The following BAZ1B variants were observed in gnomAD, a reference collection of about 807,000 sequenced individuals.
The protein encoded by BAZ1B is tyrosine-protein kinase BAZ1B.
In BAZ1B, 22 loss-of-function variants were observed where a neutral mutation model predicts 153.8. The observed-to-expected ratio is 0.14, with a 90% CI of 0.10 to 0.20. The LOEUF is 0.20. Among genes scored for constraint, BAZ1B ranks in the 10% least tolerant of loss-of-function variants. The pLI is 1.00. For synonymous variants in BAZ1B, 676 were observed against 633.4 expected (o/e 1.07, Z -1.01); for missense variants, 1,325 against 1,799.3 (o/e 0.74, Z 4.77).
At chr7:73,441,839 CCCTGGAGA>C in intron 19 of BAZ1B, 146 bp from the exon 20 acceptor site, 1 of 302,526 alleles carries the variant, frequency 3.3e-6, no homozygotes, top group Non-Finnish European at 6.1e-6. Flanking sequence ...GCAATCCCTC[CCCTGGAGA>C]CCAGAGGGGC....
intron 13 of BAZ1B, among the ~76,000 whole-genome samples, chr7:73,452,415 A>G (rs1024915775): frequency 2.0e-5 from 3 of 152,170 alleles, no homozygotes; most frequent in Non-Finnish European, 4.4e-5. Context: ...CTATGACTTC[A>G]CAATGGTGCA....
At chr7:73,499,188 A>G (rs1338798234) in intron 3 of BAZ1B, among the ~76,000 whole-genome samples, 1 of 152,066 alleles carries the variant, frequency 6.6e-6, no homozygotes, top group Admixed American at 6.5e-5. Context: ...CCATCGTGCC[A>G]GGCTAATTTT....
chr7:73,498,484 A>G lies in BAZ1B; in HGVS notation c.571+13T>C, dbSNP rs893903456. On this transcript the variant is annotated intron_variant, in intron 4 of 19. Transcript: ENST00000339594. The stretch of plus-strand genomic sequence containing the variant: ...TCTCATAAAACACTAAGGAAAGCTA[A>G]TATCAAACATACTAATACTCTCTCT... 14 of 1,607,884 alleles carry G rather than the reference A, an allele frequency of 8.7e-6. No homozygotes were observed. The highest frequency in any genetic ancestry group is 3.3e-4 in the Middle Eastern group (2 of 6,034).
At chr7:73,500,573 C>A (rs1159286188) in intron 3 of BAZ1B, among the ~76,000 whole-genome samples, 1 of 151,900 alleles carries the variant, frequency 6.6e-6, no homozygotes, top group African/African-American at 2.4e-5. Context: ...AAAAACTCTA[C>A]AAAGCTTTTC....
Position 73,510,824 on chromosome 7 carries a change from T to C in BAZ1B, c.136A>G (p.Ser46Gly). The C allele has an allele frequency of 1.2e-6, 2 of 1,614,190 alleles. No homozygotes were observed. Among genetic ancestry groups the C allele is most frequent in the Non-Finnish European group, 1.7e-6 (2 of 1,180,040 alleles). The part of the protein sequence containing the change: ...EEYEARLERY[S>G]ERIWTCKSTG... ...CTCTTGCACGTCCAAATGCGCTCACTGTACCTTTCCAAGCGGGCTTCATAC... is the reference window on the plus strand; with the variant it reads ...CTCTTGCACGTCCAAATGCGCTCACCGTACCTTTCCAAGCGGGCTTCATAC... The change falls in exon 2 of 20, where the codon AGT becomes GGT. Residue 46 changes from serine (S) to glycine (G), a missense_variant. Ser to Gly is a moderately conservative substitution (Grantham distance 56). Transcript: ENST00000339594.
chr7:73,472,955 T>TTA (rs1788867319), intron 7 of BAZ1B, among the ~76,000 whole-genome samples: 1 of 149,868 alleles, frequency 6.7e-6, no homozygotes. Context: ...TTTTTTTTTT[T>TTA]AAAAAAGACA....
At chr7:73,452,380 C>G (rs1788051410) in intron 13 of BAZ1B, among the ~76,000 whole-genome samples, 1 of 152,166 alleles carries the variant, frequency 6.6e-6, no homozygotes, top group African/African-American at 2.4e-5. Context: ...TATTCAGAAT[C>G]ACCCCATCTT....
intron 9 of BAZ1B, 29 bp downstream of exon 9, chr7:73,469,488 A>G (rs371287427): frequency 6.3e-4 from 1,012 of 1,611,738 alleles, no homozygotes; most frequent in Non-Finnish European, 4.8e-4. Flanking sequence ...GCAGGGTGAA[A>G]TAACTCTTAG....
At chr7:73,508,589 T>TGTCACCAA (rs1331800026) in intron 2 of BAZ1B, 118 bp from the exon 3 acceptor site, 1 of 1,227,450 alleles carries the variant, frequency 8.1e-7, no homozygotes, top group Non-Finnish European at 1.1e-6. Flanking sequence ...TTTATCGCTC[T>TGTCACCAA]GTCACCAAGG....
At position 73,522,001 on chromosome 7, in the gene BAZ1B, GCC is replaced by G; in HGVS notation, c.-70_-69del. ...CCGCGGCGCAGCACTAGGCCCCGCG[GCC>G]CGGAGCGAGCGCCAGGCGCCCGGGG... On this transcript the variant is annotated 5_prime_UTR_variant, in exon 1 of 20. Transcript: ENST00000339594. The G allele has an allele frequency of 8.7e-7, 1 of 1,151,536 alleles. No homozygotes were observed. The highest frequency in any genetic ancestry group is 1.1e-6 in the Non-Finnish European group (1 of 915,354). The allele number at this position is 1,151,536 out of a possible 1,614,324, so 71.3% of individuals were successfully genotyped here.
chr7:73,478,685 A>G (rs1789086765), intron 6 of BAZ1B, 116 bp from the exon 7 acceptor site: 1 of 834,362 alleles, frequency 1.2e-6, no homozygotes, highest in African/African-American at 1.7e-5. Context: ...ACATATTCAT[A>G]TCTCTTCATA....
At chr7:73,503,524 C>A (rs140412036) in intron 3 of BAZ1B, among the ~76,000 whole-genome samples, 20 of 151,830 alleles carry the variant, frequency 1.3e-4, no homozygotes, top group African/African-American at 4.8e-4. Flanking sequence ...CAGAAATGCA[C>A]CACCATGCAC....
At chr7:73,469,762 T>A in intron 8 of BAZ1B, 112 bp from the exon 9 acceptor site, 1 of 1,261,832 alleles carries the variant, frequency 7.9e-7, no homozygotes, top group Non-Finnish European at 1.1e-6. Context: ...AACCACAGTT[T>A]ACAGAATTCT....
At chr7:73,511,795 C>T (rs929186548) in intron 1 of BAZ1B, among the ~76,000 whole-genome samples, 17 of 147,460 alleles carry the variant, frequency 1.2e-4, no homozygotes, top group Non-Finnish European at 2.1e-4. Context: ...CCGAGGCAGG[C>T]AGATCACCTG....
In BAZ1B at chr7:73,449,546, C is replaced by T; in HGVS notation, c.3724G>A (p.Gly1242Ser). ...TTTAAAAGAAAAGATTCTCACCTGCCACGGGAGTTGCGCCTGGCAGTAGCG... is the reference window on the plus strand; with the variant it reads ...TTTAAAAGAAAAGATTCTCACCTGCTACGGGAGTTGCGCCTGGCAGTAGCG... ...QPATARRNSRGRNYTEESASE... is the reference protein window; with the variant it reads ...QPATARRNSRSRNYTEESASE... The change falls in exon 15 of 20, where the codon GGC (glycine) becomes AGC (serine). Residue 1242 changes from glycine (G) to serine (S), a missense_variant. Gly to Ser is a moderately conservative substitution (Grantham distance 56, BLOSUM62 0). Around this residue, in one of 9 missense-constraint regions of BAZ1B, gnomAD observed 271 missense variants for 337.2 expected, o/e 0.80. Transcript: ENST00000339594. 6.2e-7 allele frequency: 1 copy of T among 1,609,186 alleles called. No individual in the cohort carries two copies. Among genetic ancestry groups the T allele is most frequent in the Non-Finnish European group, 8.5e-7 (1 of 1,178,348 alleles).
intron 4 of BAZ1B, among the ~76,000 whole-genome samples, chr7:73,496,005 G>A (rs1057241880): frequency 1.3e-5 from 2 of 151,956 alleles, no homozygotes; most frequent in Non-Finnish European, 2.9e-5. Flanking sequence ...GAACTTAAAC[G>A]TTAAAAAATA....
At chr7:73,492,060 T>G (rs1165570115) in intron 5 of BAZ1B, among the ~76,000 whole-genome samples, 2 of 145,158 alleles carry the variant, frequency 1.4e-5, no homozygotes, top group Non-Finnish European at 3.0e-5. Flanking sequence ...GGGCGCAATC[T>G]CAACTCACTG....
In BAZ1B at chr7:73,442,730, G is replaced by A. The variant is rs535596302; in HGVS notation, c.4089C>T (p.Pro1363=). The part of the protein sequence containing the change: ...HKIVKYRFSW[P]FREPVTRDEA... ...CCTGAGAACACAGCACTCACCTGAA[G>A]GGCCAGCTGAAGCGGTACTTCACGA... The change falls in exon 18 of 20, where the codon CCC becomes CCT. Residue 1363 remains proline, a synonymous_variant. Transcript: ENST00000339594. 1.2e-6 allele frequency: 2 copies of A among 1,613,968 alleles called. No individual in the cohort carries two copies. Among genetic ancestry groups the A allele is most frequent in the East Asian group, 2.2e-5 (1 of 44,872 alleles).
chr7:73,508,523 A>G, intron 2 of BAZ1B, 52 bp from the exon 3 acceptor site: 3 of 1,524,962 alleles, frequency 2.0e-6, no homozygotes, highest in Admixed American at 2.0e-5. Context: ...CTACCCAGAG[A>G]TTTAATTCAA....
Sources: gnomAD v4.1 joint callset for allele counts (sites outside exome capture counted in the v4.1 genomes callset) on GRCh38, gnomAD v4.1.1 for gene constraint, gnomAD v4.1.1 regional missense constraint, MANE v1.5 for transcripts, NCBI Gene and HGNC (gene_info 2026-07-23, HGNC 2026-07-21) for gene names.